Variants in CECR2 observed in about 807,000 individuals in gnomAD.
CECR2 encodes the protein chromatin remodeling regulator CECR2.
CECR2 carries 30 observed loss-of-function variants against 154.5 expected under a neutral mutation model. The observed-to-expected ratio is 0.19, with a 90% CI of 0.15 to 0.26. The LOEUF (loss-of-function observed/expected upper bound fraction) is 0.26, where lower values mean the gene tolerates loss of function less well. Ranked by LOEUF, CECR2 falls within the 10% of genes least tolerant of loss-of-function variation. The pLI is 1.00. For synonymous variants in CECR2, 725 were observed against 683.7 expected, an observed-to-expected ratio of 1.06 and a Z score of -0.94; for missense variants, 1,743 against 1,829.3, an observed-to-expected ratio of 0.95 and a Z score of 0.86.
chr22:17,413,978 A>G (rs1294388727), intron 1 of CECR2, among the ~76,000 whole-genome samples: 1 of 142,066 alleles, frequency 7.0e-6, no homozygotes, highest in African/African-American at 2.6e-5. Context: ...CGCCCGGCCT[A>G]TTATTATTTT....
At chr22:17,389,277 CTT>C (rs1312009352) in intron 1 of CECR2, among the ~76,000 whole-genome samples, 2 of 152,040 alleles carry the variant, frequency 1.3e-5, no homozygotes, top group Non-Finnish European at 2.9e-5. Flanking sequence ...TTCATAGTTA[CTT>C]TTTGTTTTAT....
At chr22:17,506,308 C>A (rs1311700893) in intron 7 of CECR2, among the ~76,000 whole-genome samples, 2 of 151,696 alleles carry the variant, frequency 1.3e-5, no homozygotes, top group Admixed American at 1.3e-4. Flanking sequence ...TTAATTTTAT[C>A]TGTGCGTAGG....
At chr22:17,391,153 A>C (rs2063321690) in intron 1 of CECR2, among the ~76,000 whole-genome samples, 1 of 152,224 alleles carries the variant, frequency 6.6e-6, no homozygotes, top group Non-Finnish European at 1.5e-5. Flanking sequence ...CCACAATGTT[A>C]TACTCACATT....
chr22:17,538,483 C>T (rs765851649), intron 10 of CECR2, 37 bp from the exon 11 acceptor site: 2 of 1,596,832 alleles, frequency 1.3e-6, no homozygotes, highest in Admixed American at 3.3e-5. Context: ...AGAAGGTGGT[C>T]AGAGTTACTA....
rs770388829 is a variant in CECR2, at chr22:17,543,014, C to A, written c.2860+11C>A. 4 of 1,588,812 alleles carry A rather than the reference C, an allele frequency of 2.5e-6. No homozygotes were observed. In the African/African-American group the frequency reaches 5.4e-5, roughly 21 times the overall value. Reference sequence around the variant, plus strand: ...CTGAGAATGACCAAGGTAATTTACACTGTCACTTTGGGCTCTTTAAGCTCT... The same window carrying A: ...CTGAGAATGACCAAGGTAATTTACAATGTCACTTTGGGCTCTTTAAGCTCT... On this transcript the variant is annotated intron_variant, in intron 16 of 18. Transcript: ENST00000262608.
intron 1 of CECR2, among the ~76,000 whole-genome samples, chr22:17,428,826 G>GTATATA (rs1555908344): frequency 1.3e-5 from 2 of 150,594 alleles, no homozygotes; most frequent in African/African-American, 4.9e-5. Flanking sequence ...GTGTGTGTGT[G>GTATATA]TATATAAAGG....
At chr22:17,538,785 T>C in intron 12 of CECR2, 54 bp downstream of exon 12, 1 of 1,484,128 alleles carries the variant, frequency 6.7e-7, no homozygotes, top group Non-Finnish European at 9.3e-7. Flanking sequence ...CTTTCTTGGG[T>C]TTTGTTGTTT....
rs969867461 is a variant in CECR2 at position 17,408,741 on chromosome 22, A to G, written c.126+38832A>G. 3.3e-5 allele frequency among the ~76,000 whole-genome samples: 5 copies of G among 152,226 alleles called. No individual in the cohort carries two copies. The East Asian group carries it at 5.8e-4, about 18-fold the overall frequency. On this transcript the variant is annotated intron_variant, in intron 1 of 18. Transcript: ENST00000262608. ...GCTAAACATGAATATATTTTGGGTTACCTGATTTAGCACCTACCTTGTATT... is the reference window on the plus strand; with the variant it reads ...GCTAAACATGAATATATTTTGGGTTGCCTGATTTAGCACCTACCTTGTATT...
intron 1 of CECR2, among the ~76,000 whole-genome samples, chr22:17,463,329 CA>C (rs1351039875): frequency 1.3e-5 from 2 of 152,074 alleles, no homozygotes; most frequent in African/African-American, 4.8e-5. Flanking sequence ...GACATTGGTA[CA>C]AAGGGGTGGA....
chr22:17,360,988 C>A (rs530617807), intron 1 of CECR2, among the ~76,000 whole-genome samples: 45 of 152,008 alleles, frequency 3.0e-4, no homozygotes, highest in African/African-American at 9.7e-4. Context: ...CATGGTGAAA[C>A]CCCATCTCTA....
chr22:17,532,390 C>T (rs2056369185), intron 9 of CECR2, among the ~76,000 whole-genome samples: 1 of 152,106 alleles, frequency 6.6e-6, no homozygotes, highest in Non-Finnish European at 1.5e-5. Flanking sequence ...TAGTTTCAGG[C>T]CTTCCTGGGG....
chr22:17,362,178 G>A (rs1319829618), intron 1 of CECR2, among the ~76,000 whole-genome samples: 1 of 152,094 alleles, frequency 6.6e-6, no homozygotes, highest in Non-Finnish European at 1.5e-5. Flanking sequence ...AAGTAGCTGG[G>A]ATTACAGGCA....
intron 1 of CECR2, among the ~76,000 whole-genome samples, chr22:17,440,808 A>G (rs2054573924): frequency 6.6e-6 from 1 of 152,196 alleles, no homozygotes; most frequent in Admixed American, 6.5e-5. Context: ...TACAATCATT[A>G]CAGACATCCC....
intron 1 of CECR2, among the ~76,000 whole-genome samples, chr22:17,394,852 T>C (rs1280438428): frequency 2.6e-5 from 4 of 152,256 alleles, no homozygotes; most frequent in African/African-American, 9.6e-5. Context: ...ATAGGTTTTT[T>C]TGCTGTTTTT....
At position 17,548,200 on chromosome 22, in the gene CECR2, G is replaced by A. The variant is rs745374819; in HGVS notation, c.2913G>A (p.Glu971=). 3.8e-6 allele frequency: 6 copies of A among 1,589,798 alleles called. No homozygotes were observed. The highest frequency in any genetic ancestry group is 4.3e-6 in the Non-Finnish European group (5 of 1,168,114). The change falls in exon 17 of 19, where the codon GAG becomes GAA. Residue 971 remains glutamate, a synonymous_variant. Transcript: ENST00000262608. ...EEKPPGVGTS[E]GVYLTQLPHP... is the part of the protein sequence containing the mutation. ...AACCACCAGGTGTTGGTACTTCAGA[G>A]GGGGTCTACCTCACACAACTACCTC...
chr22:17,454,043 G>C (rs2054814105), intron 1 of CECR2, among the ~76,000 whole-genome samples: 1 of 152,192 alleles, frequency 6.6e-6, no homozygotes, highest in African/African-American at 2.4e-5. Context: ...TGTACACTCA[G>C]AAGTGCACCT....
chr22:17,545,038 T>G (rs2056589555), intron 16 of CECR2, among the ~76,000 whole-genome samples: 2 of 152,090 alleles, frequency 1.3e-5, no homozygotes, highest in African/African-American at 2.4e-5. Context: ...TTATTAAGAA[T>G]GGCCAATAGT....
In CECR2 at chr22:17,477,813, C is replaced by T. The variant is rs933284024; in HGVS notation, c.221+131C>T. ...ATCACGGGACACTGTAGATGGAGGA[C>T]GTACACGTAAATTTCCAGGCTGTGT... On this transcript the variant is annotated intron_variant, in intron 2 of 18. Transcript: ENST00000262608. 22 of 653,900 alleles carry T rather than the reference C, an allele frequency of 3.4e-5. 1 individual carries two copies. Among genetic ancestry groups the T allele is most frequent in the South Asian group, 2.2e-4 (12 of 55,168 alleles). The allele number at this position is 653,900 out of a possible 1,614,324, so 40.5% of individuals were successfully genotyped here.
At chr22:17,378,404 C>T (rs1307594705) in intron 1 of CECR2, among the ~76,000 whole-genome samples, 2 of 151,430 alleles carry the variant, frequency 1.3e-5, no homozygotes, top group Admixed American at 1.3e-4. Context: ...TCACACCATT[C>T]TCCTGCTTCA....
Sources: gnomAD v4.1 joint callset for allele counts (sites outside exome capture counted in the v4.1 genomes callset) on GRCh38, gnomAD v4.1.1 for gene constraint, MANE v1.5 for transcripts, NCBI Gene and HGNC (gene_info 2026-07-23, HGNC 2026-07-21) for gene names.